The following UNC13B variants were observed in gnomAD, a reference collection of about 807,000 sequenced individuals.
UNC13B encodes the protein protein unc-13 homolog B.
UNC13B carries 144 observed loss-of-function variants against 211.0 expected under a neutral mutation model. That is an observed-to-expected ratio of 0.68 (90% confidence interval 0.60 to 0.78). UNC13B has a LOEUF of 0.78. Ranked by LOEUF, UNC13B falls within the 30% of genes least tolerant of loss-of-function variation. The pLI is 0.00. For synonymous variants in UNC13B, 709 were observed against 725.8 expected (o/e 0.98, Z 0.37); for missense variants, 1,777 against 2,002.0 (o/e 0.89, Z 2.14).
chr9:35,206,965 G>A (rs1263368436), intron 1 of UNC13B, among the ~76,000 whole-genome samples: 1 of 151,746 alleles, frequency 6.6e-6, no homozygotes, highest in Admixed American at 6.6e-5. Flanking sequence ...GGACATTTGG[G>A]TTGTTTCTGC....
intron 11 of UNC13B, among the ~76,000 whole-genome samples, chr9:35,326,012 A>G (rs927973703): frequency 2.6e-5 from 4 of 152,258 alleles, no homozygotes; most frequent in Non-Finnish European, 5.9e-5. Context: ...CCGCTAGGTC[A>G]TATGGTAACG....
chr9:35,392,098 T>G (rs1835571842), intron 26 of UNC13B, among the ~76,000 whole-genome samples: 1 of 152,198 alleles, frequency 6.6e-6, no homozygotes, highest in Non-Finnish European at 1.5e-5. Context: ...TGAGCTCCCA[T>G]TTTCTCATCT....
intron 13 of UNC13B, among the ~76,000 whole-genome samples, chr9:35,372,237 A>C (rs1383543003): frequency 6.6e-6 from 1 of 152,174 alleles, no homozygotes; most frequent in Non-Finnish European, 1.5e-5. Context: ...GCACCACTGC[A>C]CTCCTGCCTG....
intron 1 of UNC13B, 185 bp from the exon 2 acceptor site, chr9:35,227,830 T>A: frequency 2.1e-6 from 1 of 478,638 alleles, no homozygotes; most frequent in Non-Finnish European, 3.7e-6. Flanking sequence ...TCAGATTGAC[T>A]TTTAAGGTCT....
intron 1 of UNC13B, among the ~76,000 whole-genome samples, chr9:35,183,163 T>C (rs555410779): frequency 5.1e-4 from 53 of 103,966 alleles, no homozygotes; most frequent in South Asian, 1.6e-3. Context: ...ACCTCCCAGA[T>C]GGGGCGGCCG....
intron 9 of UNC13B, among the ~76,000 whole-genome samples, chr9:35,310,072 T>G (rs978346751): frequency 6.6e-6 from 1 of 152,260 alleles, no homozygotes; most frequent in Non-Finnish European, 1.5e-5. Flanking sequence ...CATTCCATTT[T>G]ACTGTGTGGA....
intron 5 of UNC13B, 113 bp from the exon 6 acceptor site, chr9:35,243,178 G>T: frequency 1.0e-6 from 1 of 989,906 alleles, no homozygotes; most frequent in East Asian, 2.4e-5. Flanking sequence ...TAAAACTTGT[G>T]CATCACTACC....
In UNC13B at chr9:35,400,101, C is replaced by T. The variant is rs544495151; in HGVS notation, c.12337-195C>T. 3.3e-5 allele frequency among the ~76,000 whole-genome samples: 5 copies of T among 152,292 alleles called. No individual in the cohort carries two copies. In the South Asian group the frequency reaches 1.0e-3, roughly 32 times the overall value. On this transcript the variant is annotated intron_variant, in intron 36 of 39. Transcript: ENST00000635942. Reference sequence around the variant, plus strand: ...CCATCCTTCAAACACTGCCGTACCTCCAGGAATGTGGCCATCCCCTACTAA... The same window carrying T: ...CCATCCTTCAAACACTGCCGTACCTTCAGGAATGTGGCCATCCCCTACTAA...
intron 1 of UNC13B, among the ~76,000 whole-genome samples, chr9:35,188,422 A>G (rs1464980997): frequency 6.6e-6 from 1 of 152,250 alleles, no homozygotes; most frequent in Admixed American, 6.5e-5. Flanking sequence ...TTGATAGCAT[A>G]TACTTAGACA....
intron 1 of UNC13B, among the ~76,000 whole-genome samples, chr9:35,169,329 G>T (rs1244005738): frequency 1.3e-5 from 2 of 152,186 alleles, no homozygotes; most frequent in Non-Finnish European, 2.9e-5. Flanking sequence ...ATTCTAGCCT[G>T]GGTAACAGAG....
chr9:35,343,978 AC>A (rs1457384518), intron 11 of UNC13B, among the ~76,000 whole-genome samples: 1 of 152,150 alleles, frequency 6.6e-6, no homozygotes, highest in East Asian at 1.9e-4. Flanking sequence ...AATTAATTCT[AC>A]CTGTTTCTTT....
At chr9:35,179,045 A>C (rs913698546) in intron 1 of UNC13B, among the ~76,000 whole-genome samples, 5 of 152,170 alleles carry the variant, frequency 3.3e-5, no homozygotes, top group African/African-American at 9.6e-5. Context: ...TTTACAAATG[A>C]GGGCACTGGC....
At chr9:35,324,152 G>A (rs912578568) in intron 11 of UNC13B, among the ~76,000 whole-genome samples, 1 of 152,104 alleles carries the variant, frequency 6.6e-6, no homozygotes, top group East Asian at 1.9e-4. Flanking sequence ...TTTAGGACCA[G>A]GATTCAAATC....
intron 1 of UNC13B, 132 bp from the exon 2 acceptor site, chr9:35,227,883 C>A: frequency 1.5e-6 from 1 of 670,792 alleles, no homozygotes; most frequent in Non-Finnish European, 2.4e-6. Flanking sequence ...GAAGTCTCAG[C>A]TTTTTTTCTC....
chr9:35,334,998 A>G (rs1831572856), intron 11 of UNC13B, among the ~76,000 whole-genome samples: 1 of 152,230 alleles, frequency 6.6e-6, no homozygotes, highest in South Asian at 2.1e-4. Context: ...AGATCGCGCC[A>G]CTGCATTCCA....
chr9:35,313,574 G>A (rs980234886), intron 10 of UNC13B, among the ~76,000 whole-genome samples: 4 of 151,468 alleles, frequency 2.6e-5, no homozygotes, highest in Non-Finnish European at 4.4e-5. Context: ...GCAGTGAGCC[G>A]TGATCATGCC....
At chr9:35,403,044 A>G (rs1836426963) in intron 37 of UNC13B, 123 bp from the exon 38 acceptor site, 4 of 731,378 alleles carry the variant, frequency 5.5e-6, no homozygotes, top group East Asian at 2.6e-5. Context: ...CCTATTGCTT[A>G]CTTCCCATGG....
chr9:35,242,032 C>A (rs1587447535), intron 5 of UNC13B, among the ~76,000 whole-genome samples: 1 of 152,058 alleles, frequency 6.6e-6, no homozygotes, highest in African/African-American at 2.4e-5. Context: ...TTGATATGAT[C>A]CATATATTGC....
chr9:35,344,824 C>T (rs567135125), intron 11 of UNC13B, among the ~76,000 whole-genome samples: 2 of 152,264 alleles, frequency 1.3e-5, no homozygotes, highest in South Asian at 2.1e-4. Flanking sequence ...GCCTAGACAC[C>T]CTCTAAAGGG....
Sources: gnomAD v4.1 joint callset for allele counts (sites outside exome capture counted in the v4.1 genomes callset) on GRCh38, gnomAD v4.1.1 for gene constraint, MANE v1.5 for transcripts, NCBI Gene and HGNC (gene_info 2026-07-23, HGNC 2026-07-21) for gene names.